Variants in ZYG11B observed in about 807,000 individuals in gnomAD.
The protein encoded by ZYG11B is protein zyg-11 homolog B.
A neutral mutation model predicts 82.4 loss-of-function variants in ZYG11B; 36 were observed. The observed-to-expected ratio is 0.44, with a 90% CI of 0.33 to 0.58. ZYG11B has a LOEUF of 0.58. Ranked by LOEUF, ZYG11B falls within the 20% of genes least tolerant of loss-of-function variation. The pLI, the probability that ZYG11B is intolerant of heterozygous loss-of-function variation, is 0.02. For missense variants in ZYG11B, 552 were observed against 895.6 expected, an observed-to-expected ratio of 0.62 and a Z score of 4.90; for synonymous variants, 303 against 312.8, an observed-to-expected ratio of 0.97 and a Z score of 0.33.
intron 1 of ZYG11B, among the ~76,000 whole-genome samples, chr1:52,730,071 G>GTGC (rs1271552883): frequency 1.3e-5 from 2 of 152,004 alleles, no homozygotes; most frequent in South Asian, 2.1e-4. Flanking sequence ...GCCTCCCAGA[G>GTGC]TGCTGGAATT....
At chr1:52,726,985 C>T (rs1280201959) in intron 1 of ZYG11B, among the ~76,000 whole-genome samples, 1 of 151,810 alleles carries the variant, frequency 6.6e-6, no homozygotes, top group African/African-American at 2.4e-5. Context: ...GTCCTTTAAC[C>T]CTAACCCTTC....
At chr1:52,772,928 C>T (rs889935368) in intron 3 of ZYG11B, among the ~76,000 whole-genome samples, 1 of 152,014 alleles carries the variant, frequency 6.6e-6, no homozygotes, top group African/African-American at 2.4e-5. Context: ...CTGCCCGCCT[C>T]GGCCTCCCAA....
At chr1:52,755,106 G>A (rs913923399) in intron 1 of ZYG11B, among the ~76,000 whole-genome samples, 1 of 151,490 alleles carries the variant, frequency 6.6e-6, no homozygotes, top group African/African-American at 2.4e-5. Flanking sequence ...GACTACAGGC[G>A]CCCGCCACCA....
rs775394804 is a variant in ZYG11B at position 52,784,963 on chromosome 1, G to A, written c.1179G>A (p.Gln393=). Reference sequence around the variant, plus strand: ...CCTGTGTATTTAACTTAACCAAGCAGGATCTTGCTGCAGGGATGCCTGTCC... The same window carrying A: ...CCTGTGTATTTAACTTAACCAAGCAAGATCTTGCTGCAGGGATGCCTGTCC... ...ASACVFNLTK[Q]DLAAGMPVRL... is the part of the protein sequence containing the mutation. The change falls in exon 5 of 14, where the codon CAG becomes CAA. Residue 393 remains glutamine, a synonymous_variant. Transcript: ENST00000294353. 6.8e-6 allele frequency: 11 copies of A among 1,614,048 alleles called. No individual in the cohort carries two copies. The highest frequency in any genetic ancestry group is 9.3e-6 in the Non-Finnish European group (11 of 1,180,032).
At chr1:52,775,265 G>C (rs192066570) in intron 3 of ZYG11B, among the ~76,000 whole-genome samples, 1 of 152,074 alleles carries the variant, frequency 6.6e-6, no homozygotes, top group East Asian at 1.9e-4. Flanking sequence ...CTCCTATATT[G>C]AACTGCAGTA....
chr1:52,734,712 C>G (rs1644363761), intron 1 of ZYG11B, among the ~76,000 whole-genome samples: 1 of 149,360 alleles, frequency 6.7e-6, no homozygotes. Context: ...TACACACTCT[C>G]TGACCAATTT....
intron 1 of ZYG11B, among the ~76,000 whole-genome samples, chr1:52,750,294 C>T (rs776228452): frequency 8.7e-4 from 127 of 146,228 alleles, no homozygotes; most frequent in Middle Eastern, 3.5e-3. Flanking sequence ...TTTTTTGAGA[C>T]GGAGTTTCAC....
At chr1:52,799,707 A>G (rs1558138649) in intron 8 of ZYG11B, among the ~76,000 whole-genome samples, 1 of 151,994 alleles carries the variant, frequency 6.6e-6, no homozygotes, top group Non-Finnish European at 1.5e-5. Context: ...AGGCAGGAGA[A>G]TCGCTTGAAT....
intron 8 of ZYG11B, among the ~76,000 whole-genome samples, chr1:52,798,012 A>G (rs1302614033): frequency 6.6e-6 from 1 of 151,652 alleles, no homozygotes; most frequent in Non-Finnish European, 1.5e-5. Context: ...GGTTCCAACT[A>G]CTCAAGAGGC....
At chr1:52,753,394 C>G (rs1053350564) in intron 1 of ZYG11B, among the ~76,000 whole-genome samples, 16 of 149,030 alleles carry the variant, frequency 1.1e-4, no homozygotes, top group Admixed American at 4.1e-4. Context: ...CATGGTTGTT[C>G]TTCTTCTTCT....
At chr1:52,772,459 G>C in intron 3 of ZYG11B, 1 of 1,576,522 alleles carries the variant, frequency 6.3e-7, no homozygotes, top group South Asian at 1.1e-5. Context: ...GTCACAAAAC[G>C]TACTTGTGCA....
intron 1 of ZYG11B, among the ~76,000 whole-genome samples, chr1:52,750,932 A>G (rs1241035283): frequency 2.6e-5 from 4 of 152,160 alleles, no homozygotes; most frequent in African/African-American, 4.8e-5. Context: ...CATGTTGTAC[A>G]GTACATCAGC....
At chr1:52,816,330 T>C (rs1301608028) in intron 12 of ZYG11B, among the ~76,000 whole-genome samples, 1 of 152,186 alleles carries the variant, frequency 6.6e-6, no homozygotes, top group Non-Finnish European at 1.5e-5. Flanking sequence ...TCTAATCACC[T>C]TCCATCTTCT....
At chr1:52,799,739 G>T (rs1264059700) in intron 8 of ZYG11B, among the ~76,000 whole-genome samples, 1 of 151,980 alleles carries the variant, frequency 6.6e-6, no homozygotes, top group Non-Finnish European at 1.5e-5. Context: ...AGGTTGCAGT[G>T]AGCCGAGACT....
chr1:52,758,807 G>T (rs75524857), intron 2 of ZYG11B, among the ~76,000 whole-genome samples: 1,788 of 152,080 alleles, frequency 0.012, 39 homozygotes, highest in African/African-American at 0.042. Flanking sequence ...TAGGAACTAG[G>T]GTAAATTTCT....
chr1:52,745,277 A>AT (rs1380819521), intron 1 of ZYG11B, among the ~76,000 whole-genome samples: 1 of 152,228 alleles, frequency 6.6e-6, no homozygotes, highest in African/African-American at 2.4e-5. Flanking sequence ...AGGAAGACCA[A>AT]TAAAAACCGG....
chr1:52,795,924 A>G (rs1343719465), intron 6 of ZYG11B, among the ~76,000 whole-genome samples: 2 of 152,226 alleles, frequency 1.3e-5, no homozygotes, highest in Non-Finnish European at 2.9e-5. Context: ...TTGTGAATGA[A>G]TGAATGAATG....
Position 52,816,647 on chromosome 1 carries a change from AG to A in ZYG11B, c.2044+19del. Reference sequence around the variant, plus strand: ...CAAGAATCGTATGTACCAAAAAAAAAGAACTGTGTTTTTTTTCTTTAAGTGA... The same window carrying A: ...CAAGAATCGTATGTACCAAAAAAAAAAACTGTGTTTTTTTTCTTTAAGTGA... On this transcript the variant is annotated intron_variant, in intron 13 of 13. Transcript: ENST00000294353. 6.4e-7 allele frequency: 1 copy of A among 1,550,526 alleles called. No individual in the cohort carries two copies. Among genetic ancestry groups the A allele is most frequent in the Non-Finnish European group, 8.8e-7 (1 of 1,134,342 alleles).
rs1014562757 is a variant in ZYG11B at position 52,765,905 on chromosome 1, C to T, written c.197-5115C>T. ...TTAGGTTTTTGGTTTTGGTTTTTTT[C>T]CCATTCTGTTCTTGTTATTTAAATT... On this transcript the variant is annotated intron_variant, in intron 2 of 13. Coordinates refer to ENST00000294353, the MANE Select transcript of ZYG11B (RefSeq NM_024646.3). Among the ~76,000 whole-genome samples, 11 of 152,166 alleles carry T rather than the reference C, an allele frequency of 7.2e-5. No homozygotes were observed. In the Middle Eastern group the frequency reaches 0.014, roughly 188 times the overall value.
Sources: gnomAD v4.1 joint callset for allele counts (sites outside exome capture counted in the v4.1 genomes callset) on GRCh38, gnomAD v4.1.1 for gene constraint, MANE v1.5 for transcripts, NCBI Gene and HGNC (gene_info 2026-07-23, HGNC 2026-07-21) for gene names.